Variants in NRG4 observed in about 807,000 individuals in gnomAD.
The protein encoded by NRG4 is neuregulin 4.
A neutral mutation model predicts 15.0 loss-of-function variants in NRG4; 10 were observed. The ratio of observed to expected loss-of-function variants is 0.67; its 90% CI spans 0.41 to 1.13. The LOEUF (loss-of-function observed/expected upper bound fraction) is 1.13, where lower values mean the gene tolerates loss of function less well. Among genes scored for constraint, NRG4 ranks in the 50% most tolerant of loss-of-function variants. NRG4 has a pLI of 0.00. For synonymous variants in NRG4, 41 were observed against 50.1 expected (o/e 0.82, Z 0.77); for missense variants, 139 against 140.2 (o/e 0.99, Z 0.04).
intron 2 of NRG4, chr15:76,053,102 C>CTAAT (rs2036065391): frequency 6.6e-6 from 1 of 151,040 alleles, no homozygotes; most frequent in South Asian, 2.1e-4. Flanking sequence ...ACAAGTCTCT[C>CTAAT]TAAATTAGAG....
intron 1 of NRG4, among the ~76,000 whole-genome samples, chr15:76,057,661 T>C (rs923023954): frequency 2.0e-5 from 3 of 152,134 alleles, no homozygotes; most frequent in African/African-American, 4.8e-5. Context: ...ATACATGTTT[T>C]GGGATTTTTG....
In NRG4 at chr15:76,044,083, C is replaced by T. The variant is rs141181071; in HGVS notation, c.-105+7984G>A. On this transcript the variant is annotated intron_variant, in intron 4 of 8. Coordinates refer to the NRG4 transcript ENST00000563910. ...CGCAATCTCGGCTCACTGCAAGCTC[C>T]GCTTCCCAGGTTCACGCCATTCTCC... Among the ~76,000 whole-genome samples the T allele has an allele frequency of 5.9e-3, 900 of 152,238 alleles. 8 individuals carry two copies. The highest frequency in any genetic ancestry group is 0.02 in the African/African-American group (845 of 41,526).
intron 4 of NRG4, among the ~76,000 whole-genome samples, chr15:76,048,343 A>G (rs1347184337): frequency 6.7e-6 from 1 of 149,562 alleles, no homozygotes; most frequent in African/African-American, 2.5e-5. Context: ...GTGGTGGTGC[A>G]TGCCTGTAAT....
intron 4 of NRG4, among the ~76,000 whole-genome samples, chr15:76,041,396 CA>C (rs932216555): frequency 4.7e-5 from 7 of 150,186 alleles, no homozygotes; most frequent in African/African-American, 1.5e-4. Flanking sequence ...ACAAAAAACC[CA>C]AAAAAAACCC....
intron 3 of NRG4, among the ~76,000 whole-genome samples, chr15:75,975,994 A>C (rs2033347733): frequency 6.6e-6 from 1 of 152,146 alleles, no homozygotes; most frequent in Non-Finnish European, 1.5e-5. Context: ...TACACCAATC[A>C]AACATAGGTT....
At chr15:75,981,203 C>T (rs767256959) in intron 3 of NRG4, among the ~76,000 whole-genome samples, 1 of 152,158 alleles carries the variant, frequency 6.6e-6, no homozygotes, top group African/African-American at 2.4e-5. Context: ...AGATCAACAG[C>T]TTCCACTGTC....
chr15:76,051,432 T>C (rs2036013632), intron 4 of NRG4, among the ~76,000 whole-genome samples: 1 of 150,946 alleles, frequency 6.6e-6, no homozygotes, highest in African/African-American at 2.5e-5. Context: ...TGAGTCACTG[T>C]GTTCAGCCTA....
At chr15:75,953,800 C>G (rs1023333920) in intron 5 of NRG4, among the ~76,000 whole-genome samples, 3 of 152,152 alleles carry the variant, frequency 2.0e-5, no homozygotes, top group African/African-American at 4.8e-5. Context: ...TCAAGCAATT[C>G]TCCCACCTCC....
chr15:76,037,607 C>T (rs1267606564), intron 4 of NRG4, among the ~76,000 whole-genome samples: 1 of 152,056 alleles, frequency 6.6e-6, no homozygotes, highest in East Asian at 1.9e-4. Context: ...CTAAATAAAC[C>T]GTAAAGGCAG....
chr15:75,944,227 A>G (rs556432242), intron 5 of NRG4, among the ~76,000 whole-genome samples: 1 of 152,346 alleles, frequency 6.6e-6, no homozygotes, highest in South Asian at 2.1e-4. Context: ...CAGTTTTCTC[A>G]TTGTAGAGTG....
chr15:76,033,808 T>C (rs1181361331), intron 5 of NRG4, among the ~76,000 whole-genome samples: 4 of 152,220 alleles, frequency 2.6e-5, no homozygotes, highest in African/African-American at 9.6e-5. Context: ...TGTCTGACCC[T>C]TTTATCAGAA....
At chr15:75,982,837 C>G (rs1487999284) in intron 3 of NRG4, among the ~76,000 whole-genome samples, 1 of 152,188 alleles carries the variant, frequency 6.6e-6, no homozygotes, top group Admixed American at 6.5e-5. Context: ...CAAGCCCAAG[C>G]TGTCTCCCCA....
At chr15:75,993,864 T>G (rs2034117917) in intron 3 of NRG4, among the ~76,000 whole-genome samples, 1 of 152,236 alleles carries the variant, frequency 6.6e-6, no homozygotes, top group Non-Finnish European at 1.5e-5. Flanking sequence ...TCCATATTTC[T>G]TATTTCTCTG....
chr15:75,980,682 A>C (rs1342151602), intron 3 of NRG4, among the ~76,000 whole-genome samples: 3 of 152,118 alleles, frequency 2.0e-5, no homozygotes, highest in African/African-American at 7.2e-5. Flanking sequence ...CAGAGTCCTA[A>C]AGGTACTTAG....
intron 3 of NRG4, among the ~76,000 whole-genome samples, chr15:75,998,662 G>GAAATA (rs1255844236): frequency 1.3e-5 from 2 of 152,060 alleles, no homozygotes; most frequent in Admixed American, 6.6e-5. Flanking sequence ...TTTAAGCATA[G>GAAATA]AAATAACATA....
intron 4 of NRG4, among the ~76,000 whole-genome samples, chr15:75,957,824 CCTAT>C (rs954690124): frequency 2.0e-5 from 3 of 151,974 alleles, no homozygotes; most frequent in Non-Finnish European, 2.9e-5. Flanking sequence ...GTAATTTTTT[CCTAT>C]CTATTTTCCA....
At chr15:75,946,080 A>G (rs2031486574) in intron 5 of NRG4, among the ~76,000 whole-genome samples, 1 of 152,210 alleles carries the variant, frequency 6.6e-6, no homozygotes, top group Non-Finnish European at 1.5e-5. Flanking sequence ...GATGGCTACT[A>G]AGTAGCTAAT....
At chr15:75,964,996 C>T (rs550042380) in intron 3 of NRG4, among the ~76,000 whole-genome samples, 20 of 152,024 alleles carry the variant, frequency 1.3e-4, no homozygotes, top group Non-Finnish European at 1.9e-4. Flanking sequence ...GAGGCCGAGG[C>T]GGGTGGATCA....
At position 75,977,156 on chromosome 15, in the gene NRG4, C is replaced by T. The variant is rs1567087048; in HGVS notation, c.105-15182G>A. Among the ~76,000 whole-genome samples the T allele has an allele frequency of 6.6e-6, 1 of 152,112 alleles. No individual in the cohort carries two copies. Among genetic ancestry groups the T allele is most frequent in the Non-Finnish European group, 1.5e-5 (1 of 68,016 alleles). ...AGGGGAAAACTGCCCACTCAAGCCTCCAGATGCCCCTCCCCCAACCAAGAC... is the reference window on the plus strand; with the variant it reads ...AGGGGAAAACTGCCCACTCAAGCCTTCAGATGCCCCTCCCCCAACCAAGAC... On this transcript the variant is annotated intron_variant, in intron 3 of 5. Transcript: ENST00000394907. The surrounding 1 kb of genome is among the most constrained non-coding windows in gnomAD (Gnocchi z 4.9).
Sources: allele counts gnomAD v4.1 joint callset (sites outside exome capture counted in the v4.1 genomes callset), GRCh38; gene constraint gnomAD v4.1.1; non-coding constraint Gnocchi (gnomAD v3.1); transcripts MANE v1.5; gene names NCBI Gene and HGNC (gene_info 2026-07-23, HGNC 2026-07-21).